SOX5: variants seen among roughly 807,000 people sequenced by gnomAD.
SOX5 encodes SRY-box transcription factor 5.
SOX5 carries 9 observed loss-of-function variants against 92.0 expected under a neutral mutation model. That is an observed-to-expected ratio of 0.10 (90% confidence interval 0.06 to 0.17). The LOEUF (loss-of-function observed/expected upper bound fraction) is 0.17, where lower values mean the gene tolerates loss of function less well. Among genes scored for constraint, SOX5 ranks in the 10% least tolerant of loss-of-function variants. SOX5 has a pLI of 1.00. For synonymous variants in SOX5, 344 were observed against 336.3 expected (o/e 1.02, Z -0.25); for missense variants, 642 against 944.5 (o/e 0.68, Z 4.20).
chr12:24,066,598 T>C (rs1184579649), intron 4 of SOX5, among the ~76,000 whole-genome samples: 1 of 152,188 alleles, frequency 6.6e-6, no homozygotes, highest in African/African-American at 2.4e-5. Context: ...ACTAAAGAGT[T>C]ATTTCAAAGT....
At chr12:23,931,635 T>C (rs995471099) in intron 1 of SOX5, among the ~76,000 whole-genome samples, 1 of 151,700 alleles carries the variant, frequency 6.6e-6, no homozygotes, top group Non-Finnish European at 1.5e-5. Flanking sequence ...TTGCTTCTAA[T>C]TTTTTTCAAA....
chr12:23,778,970 T>C (rs1371110345), intron 3 of SOX5, among the ~76,000 whole-genome samples: 1 of 152,096 alleles, frequency 6.6e-6, no homozygotes, highest in African/African-American at 2.4e-5. Flanking sequence ...ACAATCTCAG[T>C]GAATGCAATA....
intron 1 of SOX5, among the ~76,000 whole-genome samples, chr12:23,934,286 C>T (rs371346647): frequency 6.6e-6 from 1 of 150,876 alleles, no homozygotes; most frequent in African/African-American, 2.4e-5. Flanking sequence ...AGAATTATTC[C>T]CAGCTATGGT....
chr12:23,931,028 T>C (rs1013333634), intron 1 of SOX5, among the ~76,000 whole-genome samples: 12 of 151,752 alleles, frequency 7.9e-5, no homozygotes, highest in African/African-American at 2.9e-4. Context: ...ATAAGCTTCA[T>C]AGGGACAAAA....
At chr12:24,374,303 C>T (rs942037213) in intron 1 of SOX5, among the ~76,000 whole-genome samples, 9 of 152,080 alleles carry the variant, frequency 5.9e-5, no homozygotes, top group African/African-American at 2.2e-4. Flanking sequence ...GCAGCGAGAG[C>T]ACAGGACTGT....
At chr12:23,899,723 T>A (rs1289966196) in intron 1 of SOX5, among the ~76,000 whole-genome samples, 1 of 152,208 alleles carries the variant, frequency 6.6e-6, no homozygotes, top group African/African-American at 2.4e-5. Flanking sequence ...AGAAATGACA[T>A]CTAATTTTAA....
intron 1 of SOX5, among the ~76,000 whole-genome samples, chr12:23,905,429 T>A (rs546564228): frequency 6.6e-6 from 1 of 152,342 alleles, no homozygotes; most frequent in East Asian, 1.9e-4. Flanking sequence ...AAGACTGTTT[T>A]ATTATGAGTA....
At chr12:23,716,730 C>T (rs11047062) in intron 6 of SOX5, among the ~76,000 whole-genome samples, 7,464 of 152,156 alleles carry the variant, frequency 0.049, 497 homozygotes, top group African/African-American at 0.15. Context: ...TTAACAGCTA[C>T]GTGAGAGATA....
intron 3 of SOX5, among the ~76,000 whole-genome samples, chr12:23,775,026 C>G (rs142048415): frequency 1.3e-5 from 2 of 152,084 alleles, no homozygotes; most frequent in Admixed American, 1.3e-4. Flanking sequence ...GCATTTGTAA[C>G]GGCTATGACA....
intron 1 of SOX5, among the ~76,000 whole-genome samples, chr12:24,394,058 C>A (rs1202224058): frequency 2.0e-5 from 3 of 152,066 alleles, no homozygotes; most frequent in Non-Finnish European, 4.4e-5. Context: ...TGAAAGAAAT[C>A]GGAAGAGACT....
chr12:23,903,956 T>G (rs904513359), intron 1 of SOX5, among the ~76,000 whole-genome samples: 1 of 152,216 alleles, frequency 6.6e-6, no homozygotes, highest in Non-Finnish European at 1.5e-5. Flanking sequence ...TTTTATTTGA[T>G]GCATAAACAG....
At chr12:23,777,236 T>G (rs561245078) in intron 3 of SOX5, among the ~76,000 whole-genome samples, 43 of 152,342 alleles carry the variant, frequency 2.8e-4, no homozygotes, top group African/African-American at 1.0e-3. Context: ...TGATTTGGAT[T>G]ACTCATAATT....
intron 4 of SOX5, among the ~76,000 whole-genome samples, chr12:24,013,754 T>A (rs1321788719): frequency 1.3e-5 from 2 of 152,068 alleles, no homozygotes; most frequent in African/African-American, 4.8e-5. Flanking sequence ...AAGTAAGGCT[T>A]ATTATTTTTA....
At chr12:24,505,025 C>T (rs1242904169) in intron 1 of SOX5, among the ~76,000 whole-genome samples, 1 of 152,186 alleles carries the variant, frequency 6.6e-6, no homozygotes, top group Non-Finnish European at 1.5e-5. Flanking sequence ...ACTAAAACAC[C>T]AGATTCTTTC....
intron 9 of SOX5, among the ~76,000 whole-genome samples, chr12:23,598,587 G>C (rs892696332): frequency 6.6e-6 from 1 of 151,580 alleles, no homozygotes; most frequent in Non-Finnish European, 1.5e-5. Flanking sequence ...TTTTAGTAGA[G>C]ATGGGGTTTC....
rs144251575 is a variant in SOX5, at chr12:24,382,379, G to A, written c.-250-13740C>T. Among the ~76,000 whole-genome samples the A allele has an allele frequency of 6.3e-3, 955 of 152,154 alleles. 31 individuals are homozygous for A. Among genetic ancestry groups the A allele is most frequent in the East Asian group, 4.3e-3 (22 of 5,164 alleles). ...TCCACCACATAGGAGAAAGAGCAAC[G>A]GGCAGTATGGTAGTATGGTAGGGAG... On this transcript the variant is annotated intron_variant, in intron 1 of 4. Transcript: ENST00000446891.
chr12:24,174,100 T>G (rs1436830822), intron 4 of SOX5, among the ~76,000 whole-genome samples: 2 of 151,992 alleles, frequency 1.3e-5, no homozygotes, highest in African/African-American at 4.8e-5. Flanking sequence ...TGGGTTCAAG[T>G]GATCCTCCAG....
At chr12:24,501,205 A>G (rs1948160797) in intron 1 of SOX5, among the ~76,000 whole-genome samples, 3 of 152,200 alleles carry the variant, frequency 2.0e-5, no homozygotes, top group South Asian at 4.2e-4. Context: ...AACTAATTTA[A>G]TTAATTCATA....
rs779688627 is a variant in SOX5, at chr12:23,543,483, A to T, written c.1598-99T>A. The T allele has an allele frequency of 3.4e-4, 301 of 873,396 alleles. 1 individual carries two copies. The highest frequency in any genetic ancestry group is 4.7e-4 in the Non-Finnish European group (265 of 563,774). 54.1% of individuals were successfully genotyped at this position (873,396 alleles called of 1,614,324 possible). Reference sequence around the variant, plus strand: ...CAGTCTATTAAGATATCTGAAAAGAAAAAGTACTTCTGATAATGGTACTTC... The same window carrying T: ...CAGTCTATTAAGATATCTGAAAAGATAAAGTACTTCTGATAATGGTACTTC... On this transcript the variant is annotated intron_variant, in intron 12 of 14. Coordinates refer to ENST00000451604, the MANE Select transcript of SOX5 (RefSeq NM_006940.6).
Sources: allele counts gnomAD v4.1 joint callset (sites outside exome capture counted in the v4.1 genomes callset), GRCh38; gene constraint gnomAD v4.1.1; transcripts MANE v1.5; gene names NCBI Gene and HGNC (gene_info 2026-07-23, HGNC 2026-07-21).